Variants in ITGA8 observed in about 807,000 individuals in gnomAD.
ITGA8 encodes the protein integrin alpha-8.
Under a neutral mutation model 142.3 loss-of-function variants are expected in ITGA8, and 91 were observed. The ratio of observed to expected loss-of-function variants is 0.64; its 90% CI spans 0.54 to 0.76. The LOEUF is 0.76. Ranked by LOEUF, ITGA8 falls within the 30% of genes least tolerant of loss-of-function variation. ITGA8 has a pLI of 0.00. For missense variants in ITGA8, 1,406 were observed against 1,327.7 expected, an observed-to-expected ratio of 1.06 and a Z score of -0.92; for synonymous variants, 505 against 485.2, an observed-to-expected ratio of 1.04 and a Z score of -0.54.
chr10:15,649,543 G>A (rs1344876299), intron 11 of ITGA8, among the ~76,000 whole-genome samples: 2 of 150,298 alleles, frequency 1.3e-5, no homozygotes, highest in African/African-American at 2.5e-5. Flanking sequence ...CAGGAGAATC[G>A]CTTGAACCCG....
intron 28 of ITGA8, among the ~76,000 whole-genome samples, chr10:15,521,781 C>A (rs1472883412): frequency 4.6e-5 from 7 of 152,188 alleles, no homozygotes; most frequent in Admixed American, 3.3e-4. Flanking sequence ...TCGAAGAAAT[C>A]AATTTCAAGG....
chr10:15,572,246 G>A lies in ITGA8; in HGVS notation c.2602C>T (p.Gln868Ter). 6.2e-7 allele frequency: 1 copy of A among 1,613,808 alleles called. No individual in the cohort carries two copies. Among genetic ancestry groups the A allele is most frequent in the Middle Eastern group, 1.7e-4 (1 of 6,060 alleles). ...TGTGGATTGATATTAGGATTTGGTTGGCACTGCAGAGGTCCCAGAGTTTGA... is the reference window on the plus strand; with the variant it reads ...TGTGGATTGATATTAGGATTTGGTTAGCACTGCAGAGGTCCCAGAGTTTGA... ...HIQTLGPLQC[Q>*]PNPNINPQDI... The change falls in exon 25 of 30, where the codon CAA becomes TAA. Residue 868 changes from glutamine (Q) to a stop codon, truncating the protein, a stop_gained. Transcript: ENST00000378076. LOFTEE classifies it high-confidence loss of function.
chr10:15,567,764 T>C (rs1204650264), intron 25 of ITGA8, among the ~76,000 whole-genome samples: 3 of 152,148 alleles, frequency 2.0e-5, no homozygotes, highest in Non-Finnish European at 4.4e-5. Context: ...GAAACACCAG[T>C]TGTGCAGCTC....
chr10:15,604,449 T>A (rs1404385391), intron 19 of ITGA8, 94 bp from the exon 20 acceptor site: 13 of 1,002,892 alleles, frequency 1.3e-5, no homozygotes, highest in African/African-American at 3.3e-5. Flanking sequence ...AAAAGAAAAA[T>A]GGCAAGTGCA....
At chr10:15,556,018 CTTTTTTTTTTTTTTT>C (rs869241754) in intron 26 of ITGA8, among the ~76,000 whole-genome samples, 2 of 53,630 alleles carry the variant, frequency 3.7e-5, no homozygotes, top group Non-Finnish European at 6.2e-5. Flanking sequence ...CTCTCTCTCT[CTTTTTTTTTTTTTTT>C]TTTTTTTTTT....
chr10:15,630,508 CAT>C (rs1001620869), intron 13 of ITGA8, among the ~76,000 whole-genome samples: 3 of 151,992 alleles, frequency 2.0e-5, no homozygotes, highest in Non-Finnish European at 4.4e-5. Flanking sequence ...GAATTGCACA[CAT>C]GTGTAATTTC....
intron 28 of ITGA8, among the ~76,000 whole-genome samples, chr10:15,525,469 C>T (rs1833155033): frequency 6.6e-6 from 1 of 151,390 alleles, no homozygotes; most frequent in South Asian, 2.1e-4. Flanking sequence ...ATGATGAAAC[C>T]CCATCTCTAC....
chr10:15,603,918 T>C (rs774391767), intron 20 of ITGA8, among the ~76,000 whole-genome samples: 1 of 152,178 alleles, frequency 6.6e-6, no homozygotes. Flanking sequence ...GGAGTTTAGC[T>C]TTTTGATCGC....
intron 27 of ITGA8, among the ~76,000 whole-genome samples, chr10:15,545,444 G>T (rs975838318): frequency 6.6e-6 from 1 of 152,108 alleles, no homozygotes; most frequent in African/African-American, 2.4e-5. Context: ...CCCTTTCAAA[G>T]CTGTTTTATT....
At chr10:15,579,355 A>G (rs1834360931) in intron 23 of ITGA8, among the ~76,000 whole-genome samples, 1 of 152,072 alleles carries the variant, frequency 6.6e-6, no homozygotes, top group Non-Finnish European at 1.5e-5. Flanking sequence ...TTCTTTTTTT[A>G]CTGTAAGTAA....
At chr10:15,649,972 T>C (rs572672873) in intron 11 of ITGA8, among the ~76,000 whole-genome samples, 2 of 152,274 alleles carry the variant, frequency 1.3e-5, no homozygotes, top group African/African-American at 4.8e-5. Flanking sequence ...AAAACAGATA[T>C]ACATACAAAA....
At chr10:15,605,847 T>A in intron 18 of ITGA8, 56 bp from the exon 19 acceptor site, 1 of 1,521,610 alleles carries the variant, frequency 6.6e-7, no homozygotes, top group East Asian at 2.3e-5. Flanking sequence ...TTCACATCCT[T>A]TTTCTTGAAA....
At chr10:15,535,964 C>T (rs1379852338) in intron 27 of ITGA8, among the ~76,000 whole-genome samples, 2 of 151,950 alleles carry the variant, frequency 1.3e-5, no homozygotes, top group African/African-American at 4.8e-5. Flanking sequence ...ACGAATAACT[C>T]CGCGCTGCCT....
chr10:15,689,967 A>G (rs1276173741), intron 2 of ITGA8, among the ~76,000 whole-genome samples: 8 of 152,074 alleles, frequency 5.3e-5, no homozygotes, highest in Non-Finnish European at 1.0e-4. Flanking sequence ...TCCAGCACTT[A>G]AGGGAGCTTT....
chr10:15,561,744 G>A (rs1833985972), intron 25 of ITGA8, among the ~76,000 whole-genome samples: 1 of 152,198 alleles, frequency 6.6e-6, no homozygotes, highest in Non-Finnish European at 1.5e-5. Context: ...AATTGAGGAT[G>A]GAAGAGAGAT....
intron 11 of ITGA8, among the ~76,000 whole-genome samples, chr10:15,650,635 C>T (rs1396070218): frequency 6.6e-6 from 1 of 152,100 alleles, no homozygotes; most frequent in African/African-American, 2.4e-5. Flanking sequence ...CTTTTCTTTG[C>T]AAATCATCCA....
chr10:15,523,793 G>C (rs1390677615), intron 28 of ITGA8, among the ~76,000 whole-genome samples: 1 of 151,562 alleles, frequency 6.6e-6, no homozygotes, highest in African/African-American at 2.4e-5. Context: ...AGTTGTGGTG[G>C]TGGTGGTGCA....
At chr10:15,716,065 C>T (rs1835445383) in intron 2 of ITGA8, among the ~76,000 whole-genome samples, 1 of 152,238 alleles carries the variant, frequency 6.6e-6, no homozygotes, top group Admixed American at 6.5e-5. Context: ...TTTCTCCTCC[C>T]CAGTGGGACC....
At chr10:15,683,296 CCCAT>C (rs1834773821) in intron 4 of ITGA8, among the ~76,000 whole-genome samples, 5 of 30,618 alleles carry the variant, frequency 1.6e-4, no homozygotes, top group Non-Finnish European at 4.0e-4. Flanking sequence ...CATCCATCCA[CCCAT>C]CCACCCACCC....
Sources: gnomAD v4.1 joint callset for allele counts (sites outside exome capture counted in the v4.1 genomes callset) on GRCh38, gnomAD v4.1.1 for gene constraint, MANE v1.5 for transcripts, NCBI Gene and HGNC (gene_info 2026-07-23, HGNC 2026-07-21) for gene names.